Variants in MIPOL1 observed in about 807,000 individuals in gnomAD.
The protein encoded by MIPOL1 is mirror-image polydactyly 1.
MIPOL1 carries 57 observed loss-of-function variants against 60.9 expected under a neutral mutation model. The observed-to-expected ratio is 0.94, with a 90% CI of 0.76 to 1.17. The LOEUF (loss-of-function observed/expected upper bound fraction) is 1.17, where lower values mean the gene tolerates loss of function less well. MIPOL1 is among the 50% of genes most tolerant of loss of function. The pLI is 0.00. For missense variants in MIPOL1, 551 were observed against 511.6 expected (o/e 1.08, Z -0.74); for synonymous variants, 179 against 168.8 (o/e 1.06, Z -0.47).
At chr14:37,408,093 A>T (rs1387401171) in intron 10 of MIPOL1, among the ~76,000 whole-genome samples, 1 of 151,506 alleles carries the variant, frequency 6.6e-6, no homozygotes. Context: ...GGCTGGTCTA[A>T]ACTCCTGGCC....
rs568923584 is a variant in MIPOL1 at position 37,524,226 on chromosome 14, CAA to C, written c.1263-22678_1263-22677del. Among the ~76,000 whole-genome samples, 191 of 152,064 alleles carry C rather than the reference CAA, an allele frequency of 1.3e-3. 1 individual carries two copies. The highest frequency in any genetic ancestry group is 2.1e-3 in the Non-Finnish European group (143 of 67,992). On this transcript the variant is annotated intron_variant, in intron 12 of 12. Transcript: ENST00000684589. ...TATGTGGAAGATAATTGGAATGAGA[CAA>C]GAGTAGAAATAGACTCACTAGGAAG...
chr14:37,345,490 T>G (rs1468183749), intron 9 of MIPOL1, among the ~76,000 whole-genome samples: 1 of 152,238 alleles, frequency 6.6e-6, no homozygotes, highest in Non-Finnish European at 1.5e-5. Flanking sequence ...TTATTGATAC[T>G]GAAATTGTAT....
chr14:37,408,384 C>T (rs1007745742), intron 10 of MIPOL1, among the ~76,000 whole-genome samples: 1 of 152,102 alleles, frequency 6.6e-6, no homozygotes. Flanking sequence ...AGTCTCAGTA[C>T]TTTGGGAGGT....
At chr14:37,372,479 C>T (rs1034044926) in intron 10 of MIPOL1, among the ~76,000 whole-genome samples, 2 of 151,910 alleles carry the variant, frequency 1.3e-5, no homozygotes, top group African/African-American at 2.4e-5. Context: ...GCAGGCCAGG[C>T]GTGGTGGTTC....
chr14:37,362,757 G>T (rs2092320558), intron 9 of MIPOL1, among the ~76,000 whole-genome samples: 1 of 152,126 alleles, frequency 6.6e-6, no homozygotes, highest in Non-Finnish European at 1.5e-5. Flanking sequence ...ATCAAATGTA[G>T]ATTTGGTCTT....
chr14:37,440,107 A>G, intron 11 of MIPOL1, among the ~76,000 whole-genome samples: 1 of 152,134 alleles, frequency 6.6e-6, no homozygotes, highest in Non-Finnish European at 1.5e-5. Context: ...TCAGCTTCCC[A>G]AAGTGCTAGG....
chr14:37,255,600 C>G (rs1041720199), intron 3 of MIPOL1, among the ~76,000 whole-genome samples: 2 of 151,554 alleles, frequency 1.3e-5, no homozygotes, highest in African/African-American at 4.8e-5. Flanking sequence ...ACGTTATTAT[C>G]TTTTTGGGAT....
At chr14:37,506,179 A>C (rs2095274337) in intron 12 of MIPOL1, 2 of 152,214 alleles carry the variant, frequency 1.3e-5, no homozygotes, top group African/African-American at 4.8e-5. Flanking sequence ...ATACTGCCTA[A>C]GGTAATTTAT....
At chr14:37,405,644 T>G (rs1015417689) in intron 10 of MIPOL1, among the ~76,000 whole-genome samples, 13 of 152,050 alleles carry the variant, frequency 8.5e-5, no homozygotes, top group African/African-American at 2.7e-4. Flanking sequence ...ATAAAACTGT[T>G]CATAAATGAG....
chr14:37,211,186 A>AC (rs979409893), intron 1 of MIPOL1, among the ~76,000 whole-genome samples: 6 of 62,698 alleles, frequency 9.6e-5, no homozygotes, highest in African/African-American at 3.1e-4. Context: ...TCCACTGCCC[A>AC]CCCCCCCACC....
intron 6 of MIPOL1, chr14:37,278,584 C>A (rs2083852426): frequency 6.6e-6 from 1 of 151,660 alleles, no homozygotes. Context: ...TGTTTAAAAT[C>A]CTAATGATTT....
chr14:37,512,044 T>C (rs1037929986), intron 12 of MIPOL1, among the ~76,000 whole-genome samples: 1 of 152,196 alleles, frequency 6.6e-6, no homozygotes, highest in Non-Finnish European at 1.5e-5. Context: ...TCTTAAATTT[T>C]TATAACTTAA....
chr14:37,444,030 T>C (rs1298892524), intron 11 of MIPOL1, among the ~76,000 whole-genome samples: 2 of 152,130 alleles, frequency 1.3e-5, no homozygotes, highest in Non-Finnish European at 2.9e-5. Flanking sequence ...AAGGCTATGA[T>C]TTCTATGTAA....
intron 11 of MIPOL1, among the ~76,000 whole-genome samples, chr14:37,469,372 A>G (rs983813853): frequency 6.6e-6 from 1 of 152,040 alleles, no homozygotes; most frequent in African/African-American, 2.4e-5. Context: ...TCTGGTGAGA[A>G]CTCACTCACT....
At chr14:37,204,584 C>T (rs1055100681) in intron 1 of MIPOL1, among the ~76,000 whole-genome samples, 1 of 152,040 alleles carries the variant, frequency 6.6e-6, no homozygotes, top group Non-Finnish European at 1.5e-5. Flanking sequence ...TTTTTTGCTG[C>T]CGCCATGTGA....
intron 9 of MIPOL1, among the ~76,000 whole-genome samples, chr14:37,359,835 G>A (rs2092115207): frequency 6.6e-6 from 1 of 152,044 alleles, no homozygotes; most frequent in South Asian, 2.1e-4. Flanking sequence ...CGATTGCCCT[G>A]GCCAGAACTT....
chr14:37,342,516 G>A (rs1357080970), intron 9 of MIPOL1, among the ~76,000 whole-genome samples: 1 of 151,660 alleles, frequency 6.6e-6, no homozygotes, highest in East Asian at 2.0e-4. Context: ...TCCTGCCTCA[G>A]CCTCCCAAGT....
intron 1 of MIPOL1, among the ~76,000 whole-genome samples, chr14:37,208,316 T>G (rs569936105): frequency 2.2e-4 from 34 of 152,310 alleles, no homozygotes; most frequent in Non-Finnish European, 4.4e-4. Context: ...TATTATTTTA[T>G]TGTCTATTGA....
intron 11 of MIPOL1, among the ~76,000 whole-genome samples, chr14:37,472,017 G>A (rs1381662783): frequency 6.6e-6 from 1 of 152,128 alleles, no homozygotes; most frequent in East Asian, 1.9e-4. Context: ...GTAAAACAAA[G>A]CATATGCTTA....
Sources: allele counts gnomAD v4.1 joint callset (sites outside exome capture counted in the v4.1 genomes callset), GRCh38; gene constraint gnomAD v4.1.1; transcripts MANE v1.5; gene names NCBI Gene and HGNC (gene_info 2026-07-23, HGNC 2026-07-21).